GLIPR2: variants seen among roughly 807,000 people sequenced by gnomAD.
GLIPR2 encodes the protein Golgi-associated plant pathogenesis-related protein 1.
A neutral mutation model predicts 20.4 loss-of-function variants in GLIPR2; 21 were observed. The ratio of observed to expected loss-of-function variants is 1.03; its 90% confidence interval spans 0.73 to 1.48. The LOEUF (loss-of-function observed/expected upper bound fraction) is 1.48, where lower values mean the gene tolerates loss of function less well. GLIPR2 is among the 40% of genes most tolerant of loss of function. The pLI is 0.00. For missense variants in GLIPR2, 205 were observed against 200.1 expected (o/e 1.02, Z -0.15); for synonymous variants, 91 against 80.5 (o/e 1.13, Z -0.70).
intron 4 of GLIPR2, among the ~76,000 whole-genome samples, chr9:36,159,020 G>A (rs1446648373): frequency 1.3e-5 from 2 of 152,192 alleles, no homozygotes; most frequent in Non-Finnish European, 2.9e-5. Context: ...AGCTACGATC[G>A]CGCCACTGCA....
intron 1 of GLIPR2, among the ~76,000 whole-genome samples, chr9:36,147,553 GC>G (rs1825382508): frequency 6.6e-6 from 1 of 152,148 alleles, no homozygotes; most frequent in African/African-American, 2.4e-5. Flanking sequence ...GGCCCATAAG[GC>G]CCCACATGAT....
intron 1 of GLIPR2, among the ~76,000 whole-genome samples, chr9:36,142,485 C>G (rs372281840): frequency 6.6e-6 from 1 of 152,150 alleles, no homozygotes; most frequent in Non-Finnish European, 1.5e-5. Flanking sequence ...TAAGATCATG[C>G]GTAGGCCCAG....
intron 1 of GLIPR2, among the ~76,000 whole-genome samples, chr9:36,138,809 G>C (rs996621944): frequency 6.6e-6 from 1 of 152,216 alleles, no homozygotes; most frequent in Non-Finnish European, 1.5e-5. Context: ...GGTGGTGGGA[G>C]CTCAAGGTGA....
chr9:36,140,611 C>T (rs894163962), intron 1 of GLIPR2, among the ~76,000 whole-genome samples: 2 of 152,090 alleles, frequency 1.3e-5, no homozygotes, highest in African/African-American at 2.4e-5. Flanking sequence ...CTAGGGGAGG[C>T]TGATGCTTGG....
intron 1 of GLIPR2, chr9:36,146,043 TCTC>T (rs577261147): frequency 6.6e-6 from 1 of 152,272 alleles, no homozygotes; most frequent in African/African-American, 2.4e-5. Context: ...GCTACACTCT[TCTC>T]CTATTCTGCA....
intron 4 of GLIPR2, among the ~76,000 whole-genome samples, chr9:36,159,043 C>A (rs893715837): frequency 6.6e-6 from 1 of 151,892 alleles, no homozygotes; most frequent in African/African-American, 2.4e-5. Flanking sequence ...CCAGCCTAGA[C>A]AACAGAGAGA....
At chr9:36,157,543 C>T (rs1458753447) in intron 4 of GLIPR2, among the ~76,000 whole-genome samples, 4 of 151,690 alleles carry the variant, frequency 2.6e-5, no homozygotes, top group Admixed American at 2.0e-4. Context: ...GACGGGGTTT[C>T]ACCACATTGG....
Position 36,162,743 on chromosome 9 carries a change from G to C in GLIPR2, c.*221G>C. ...AAGCATTTACCCCGATGGTTACCTA[G>C]ACCACGATTATTTGGATTGGGGGGA... On this transcript the variant is annotated 3_prime_UTR_variant, in exon 5 of 5. Transcript: ENST00000377960. 5.5e-6 allele frequency: 3 copies of C among 547,274 alleles called. No homozygotes were observed. Among genetic ancestry groups the C allele is most frequent in the East Asian group, 3.6e-5 (1 of 27,442 alleles). The allele number at this position is 547,274 out of a possible 1,614,324, so 33.9% of individuals were successfully genotyped here.
intron 4 of GLIPR2, among the ~76,000 whole-genome samples, chr9:36,153,122 CAAAAAAAA>C (rs755775246): frequency 2.3e-5 from 2 of 88,436 alleles, no homozygotes; most frequent in Admixed American, 1.3e-4. Flanking sequence ...GACTCTGTCT[CAAAAAAAA>C]AAAAAAAAAA....
rs765458787 is a variant in GLIPR2 at position 36,152,054 on chromosome 9, C to G, written c.304+1105C>G. Among the ~76,000 whole-genome samples, 88 of 152,134 alleles carry G rather than the reference C, an allele frequency of 5.8e-4. 1 individual carries two copies. The highest frequency in any genetic ancestry group is 1.1e-3 in the Non-Finnish European group (72 of 68,022). ...GTCACCGTTTCCTGTGGTTTGCTGC[C>G]CGCCCTTCTGGGTGGGGGTTTCTGC... On this transcript the variant is annotated intron_variant, in intron 4 of 4. Transcript: ENST00000377960.
At chr9:36,149,979 G>C (rs375852383) in intron 3 of GLIPR2, among the ~76,000 whole-genome samples, 36 of 152,344 alleles carry the variant, frequency 2.4e-4, no homozygotes, top group African/African-American at 8.4e-4. Flanking sequence ...CGTGAGCTGA[G>C]ATCGCGCCAT....
intron 1 of GLIPR2, among the ~76,000 whole-genome samples, chr9:36,138,762 G>A (rs943070585): frequency 1.3e-5 from 2 of 152,188 alleles, no homozygotes; most frequent in African/African-American, 4.8e-5. Context: ...GTAAGAGGTG[G>A]AAAATGATCC....
At chr9:36,148,769 G>A in intron 3 of GLIPR2, 119 bp downstream of exon 3, 3 of 673,542 alleles carry the variant, frequency 4.5e-6, no homozygotes, top group South Asian at 3.4e-5. Context: ...GGAAAGGAAA[G>A]AAAAACCAGA....
chr9:36,161,762 C>A (rs149541743), intron 4 of GLIPR2, among the ~76,000 whole-genome samples: 2 of 152,296 alleles, frequency 1.3e-5, no homozygotes, highest in African/African-American at 4.8e-5. Flanking sequence ...GGGTTAGACA[C>A]AGGCAGTAGG....
chr9:36,138,137 G>A (rs1007405924), intron 1 of GLIPR2, among the ~76,000 whole-genome samples: 1 of 152,210 alleles, frequency 6.6e-6, no homozygotes. Flanking sequence ...AGATGAGAGC[G>A]AGTCTTTCGA....
intron 4 of GLIPR2, among the ~76,000 whole-genome samples, chr9:36,160,715 G>A (rs2074643037): frequency 6.6e-6 from 1 of 152,172 alleles, no homozygotes; most frequent in South Asian, 2.1e-4. Context: ...AAGCAGGGAA[G>A]TAAATAGATA....
chr9:36,150,334 C>T (rs767303174), intron 3 of GLIPR2, among the ~76,000 whole-genome samples: 6 of 152,152 alleles, frequency 3.9e-5, no homozygotes, highest in African/African-American at 7.2e-5. Context: ...CCCAGGGAAA[C>T]GCCTGCCCAT....
At chr9:36,161,086 G>C (rs572941337) in intron 4 of GLIPR2, among the ~76,000 whole-genome samples, 2 of 152,222 alleles carry the variant, frequency 1.3e-5, no homozygotes, top group Admixed American at 1.3e-4. Flanking sequence ...AGGGGCCAAG[G>C]TGGATGCCAT....
intron 4 of GLIPR2, among the ~76,000 whole-genome samples, chr9:36,153,077 G>A (rs1825670365): frequency 6.8e-6 from 1 of 146,640 alleles, no homozygotes; most frequent in Non-Finnish European, 1.5e-5. Context: ...GCCGTGAGCG[G>A]AGATCGCCCA....
Sources: gnomAD v4.1 joint callset for allele counts (sites outside exome capture counted in the v4.1 genomes callset) on GRCh38, gnomAD v4.1.1 for gene constraint, MANE v1.5 for transcripts, NCBI Gene and HGNC (gene_info 2026-07-23, HGNC 2026-07-21) for gene names.